The following GFRA1 variants were observed in gnomAD, a reference collection of about 807,000 sequenced individuals.
GFRA1 encodes the protein GDNF family receptor alpha-1.
Under a neutral mutation model 51.6 loss-of-function variants are expected in GFRA1, and 16 were observed. The observed-to-expected ratio is 0.31, with a 90% CI of 0.21 to 0.47. GFRA1 has a LOEUF of 0.47. GFRA1 is among the 20% of genes least tolerant of loss of function. The probability of loss-of-function intolerance (pLI) is 1.00; values close to 1 mark genes in which losing one functional copy is unlikely to be tolerated. For synonymous variants in GFRA1, 270 were observed against 241.3 expected, an observed-to-expected ratio of 1.12 and a Z score of -1.10; for missense variants, 530 against 594.3, an observed-to-expected ratio of 0.89 and a Z score of 1.13.
intron 6 of GFRA1, among the ~76,000 whole-genome samples, chr10:116,106,759 C>T (rs1208909404): frequency 6.6e-6 from 1 of 151,986 alleles, no homozygotes; most frequent in Non-Finnish European, 1.5e-5. Context: ...GACATCCCCT[C>T]CAAATCTCAT....
Position 116,234,775 on chromosome 10 carries a change from C to A in GFRA1, c.419-23130G>T, listed in dbSNP as rs146536983. On this transcript the variant is annotated intron_variant, in intron 4 of 10. Coordinates refer to ENST00000355422, the MANE Select transcript of GFRA1 (RefSeq NM_005264.8). ...AGCACCTGATATGGTTTGGCTGTGTCCCTACCCAAATCTCATCTTGAATTG... is the reference window on the plus strand; with the variant it reads ...AGCACCTGATATGGTTTGGCTGTGTACCTACCCAAATCTCATCTTGAATTG... Among the ~76,000 whole-genome samples, 183 of 152,232 alleles carry A rather than the reference C, an allele frequency of 1.2e-3. 3 individuals are homozygous for A. In the East Asian group the frequency reaches 0.019, roughly 16 times the overall value.
rs201912788 is a variant in GFRA1, at chr10:116,111,381, G to A, written c.770+13840C>T. Reference sequence around the variant, plus strand: ...GCTTGTCTCAGTATCCTTTGTGTCTGAAGAACTATCAGCAGGCAATAGAGC... The same window carrying A: ...GCTTGTCTCAGTATCCTTTGTGTCTAAAGAACTATCAGCAGGCAATAGAGC... On this transcript the variant is annotated intron_variant, in intron 6 of 10. Transcript: ENST00000355422. Among the ~76,000 whole-genome samples the A allele has an allele frequency of 9.8e-5, 15 of 152,292 alleles. No homozygotes were observed. In the East Asian group the frequency reaches 2.7e-3, roughly 28 times the overall value.
intron 6 of GFRA1, among the ~76,000 whole-genome samples, chr10:116,114,700 C>T (rs1415077915): frequency 2.0e-5 from 3 of 152,166 alleles, no homozygotes; most frequent in Non-Finnish European, 4.4e-5. Context: ...CACCAGCTCA[C>T]AAGTTCTACT....
intron 9 of GFRA1, among the ~76,000 whole-genome samples, chr10:116,074,018 G>A (rs1210028310): frequency 6.6e-6 from 1 of 152,194 alleles, no homozygotes; most frequent in African/African-American, 2.4e-5. Flanking sequence ...ATTCTAGAAA[G>A]TATAGGAAAA....
chr10:116,089,646 C>T, intron 9 of GFRA1, 95 bp downstream of exon 9: 1 of 1,033,104 alleles, frequency 9.7e-7, no homozygotes, highest in Non-Finnish European at 1.5e-6. Context: ...CATTCGTCAT[C>T]TCTCTCTGCA....
Position 116,235,631 on chromosome 10 carries a change from C to G in GFRA1, c.419-23986G>C, listed in dbSNP as rs565188194. ...CCCTAAAGCTGACAAATCCCCATCC[C>G]TCCTGTCACAGACTGGAGGTCTGTG... On this transcript the variant is annotated intron_variant, in intron 4 of 10. Transcript: ENST00000355422. Among the ~76,000 whole-genome samples the G allele has an allele frequency of 5.3e-5, 8 of 152,184 alleles. No individual in the cohort carries two copies. The South Asian group carries it at 1.2e-3, about 24-fold the overall frequency.
intron 5 of GFRA1, among the ~76,000 whole-genome samples, chr10:116,185,892 T>C (rs974518927): frequency 1.1e-4 from 17 of 152,218 alleles, no homozygotes; most frequent in African/African-American, 3.9e-4. Flanking sequence ...CAGGACTGGA[T>C]TGATATCTAG....
At chr10:116,130,971 G>GA (rs1369234879) in intron 5 of GFRA1, among the ~76,000 whole-genome samples, 2 of 152,058 alleles carry the variant, frequency 1.3e-5, no homozygotes, top group African/African-American at 4.8e-5. Context: ...ACACTGCTAA[G>GA]AAAATGAATA....
intron 5 of GFRA1, among the ~76,000 whole-genome samples, chr10:116,197,091 T>A (rs780194422): frequency 1.4e-4 from 21 of 152,072 alleles, no homozygotes; most frequent in African/African-American, 4.6e-4. Flanking sequence ...GATGATTTCC[T>A]CTCAAGATCC....
At position 116,272,243 on chromosome 10, in the gene GFRA1, G is replaced by C. The variant is rs1034400904; in HGVS notation, c.-214C>G. ...TCCGGGATGGCGAGGGCGGGAGGCG[G>C]TTCCGCTTTTAGGGGTTCAGGTCCG... is the stretch of plus-strand genomic sequence containing the variant. On this transcript the variant is annotated 5_prime_UTR_variant, in exon 2 of 11. Transcript: ENST00000355422. This position sits in a 1 kb window ranked among gnomAD's most constrained non-coding sequence, Gnocchi z 4.4. The C allele has an allele frequency of 3.3e-6, 2 of 612,614 alleles. No homozygotes were observed. The highest frequency in any genetic ancestry group is 5.8e-6 in the Non-Finnish European group (2 of 344,296). The allele number at this position is 612,614 out of a possible 1,614,324, so 37.9% of individuals were successfully genotyped here.
At chr10:116,223,868 G>T (rs537580843) in intron 4 of GFRA1, among the ~76,000 whole-genome samples, 1 of 152,152 alleles carries the variant, frequency 6.6e-6, no homozygotes, top group African/African-American at 2.4e-5. Context: ...TGGCAGGCTT[G>T]CCAGGAGTTC....
intron 4 of GFRA1, among the ~76,000 whole-genome samples, chr10:116,242,712 C>A (rs990317466): frequency 6.6e-6 from 1 of 152,032 alleles, no homozygotes; most frequent in Non-Finnish European, 1.5e-5. Flanking sequence ...GAACTCCTGA[C>A]CTCAGGTGAT....
At chr10:116,075,232 T>C (rs1384446528) in intron 9 of GFRA1, among the ~76,000 whole-genome samples, 1 of 152,082 alleles carries the variant, frequency 6.6e-6, no homozygotes, top group Non-Finnish European at 1.5e-5. Flanking sequence ...AAAAAGTGCT[T>C]AGGAGAAGAC....
At chr10:116,273,740 GCT>G (rs1057098791), upstream of GFRA1, among the ~76,000 whole-genome samples, 14 of 151,904 alleles carry the variant, frequency 9.2e-5, no homozygotes, top group South Asian at 2.5e-3. Context: ...GGGCACAAGG[GCT>G]CTTTCTTCTT....
intron 8 of GFRA1, among the ~76,000 whole-genome samples, chr10:116,091,270 T>C (rs1398966024): frequency 1.3e-5 from 2 of 152,238 alleles, no homozygotes; most frequent in Non-Finnish European, 2.9e-5. Flanking sequence ...CACTGAACTA[T>C]GCATGGGGCA....
At chr10:116,186,744 A>C (rs1257075680) in intron 5 of GFRA1, among the ~76,000 whole-genome samples, 1 of 152,180 alleles carries the variant, frequency 6.6e-6, no homozygotes, top group African/African-American at 2.4e-5. Context: ...TTTCAGGTGA[A>C]CATAACATAA....
chr10:116,065,055 G>T (rs899795074), intron 10 of GFRA1, among the ~76,000 whole-genome samples: 10 of 152,132 alleles, frequency 6.6e-5, no homozygotes, highest in African/African-American at 2.4e-4. Context: ...TCCTTCCCCA[G>T]GATAGAGTCC....
At chr10:116,107,054 G>A (rs1435268429) in intron 6 of GFRA1, among the ~76,000 whole-genome samples, 1 of 152,136 alleles carries the variant, frequency 6.6e-6, no homozygotes, top group African/African-American at 2.4e-5. Context: ...ACAGCCTGTA[G>A]AACCATGAGC....
Position 116,089,937 on chromosome 10 carries a change from G to A in GFRA1, c.1016-15C>T. On this transcript the variant is annotated splice_polypyrimidine_tract_variant and intron_variant, in intron 8 of 10. Coordinates refer to ENST00000355422, the MANE Select transcript of GFRA1 (RefSeq NM_005264.8). Reference sequence around the variant, plus strand: ...AATTGCATTTTCTGCAGTAAAACAGGAGGAAATCCAATTTCAAAGTCAAGC... The same window carrying A: ...AATTGCATTTTCTGCAGTAAAACAGAAGGAAATCCAATTTCAAAGTCAAGC... 6.2e-7 allele frequency: 1 copy of A among 1,604,832 alleles called. No homozygotes were observed. The highest frequency in any genetic ancestry group is 1.3e-5 in the African/African-American group (1 of 74,828).
Sources: gnomAD v4.1 joint callset for allele counts (sites outside exome capture counted in the v4.1 genomes callset) on GRCh38, gnomAD v4.1.1 for gene constraint, Gnocchi (gnomAD v3.1) non-coding constraint, MANE v1.5 for transcripts, NCBI Gene and HGNC (gene_info 2026-07-23, HGNC 2026-07-21) for gene names.